The following MBD5 variants were observed in gnomAD, a reference collection of about 807,000 sequenced individuals.
MBD5 encodes methyl-CpG binding domain protein 5.
In MBD5, 13 loss-of-function variants were observed where a neutral mutation model predicts 117.3. That is an observed-to-expected ratio of 0.11 (90% CI 0.07 to 0.18). The LOEUF (loss-of-function observed/expected upper bound fraction) is 0.18, where lower values mean the gene tolerates loss of function less well. Among genes scored for constraint, MBD5 ranks in the 10% least tolerant of loss-of-function variants. The pLI is 1.00. For synonymous variants in MBD5, 727 were observed against 766.4 expected, an observed-to-expected ratio of 0.95 and a Z score of 0.85; for missense variants, 1,879 against 2,093.8, an observed-to-expected ratio of 0.90 and a Z score of 2.00.
rs1299289556 is a variant in MBD5 at position 148,513,921 on chromosome 2, A to T, written c.*980A>T. ...AAGGTAAAACTTTCTATTTCCGTACATGGAGGCAAAAACCCCACTTTGCAA... is the reference window on the plus strand; with the variant it reads ...AAGGTAAAACTTTCTATTTCCGTACTTGGAGGCAAAAACCCCACTTTGCAA... On this transcript the variant is annotated 3_prime_UTR_variant, in exon 14 of 14. Transcript: ENST00000642680. The T allele has an allele frequency of 1.3e-5, 2 of 152,190 alleles. No individual in the cohort carries two copies. The highest frequency in any genetic ancestry group is 4.8e-5 in the African/African-American group (2 of 41,444). 9.4% of individuals were successfully genotyped at this position (152,190 alleles called of 1,614,324 possible).
intron 4 of MBD5, among the ~76,000 whole-genome samples, chr2:148,345,418 CAT>C (rs1488970254): frequency 2.3e-5 from 3 of 133,128 alleles, no homozygotes; most frequent in African/African-American, 9.6e-5. Flanking sequence ...TATACATATA[CAT>C]ATATACACAT....
At chr2:148,341,975 G>A (rs1267974187) in intron 3 of MBD5, among the ~76,000 whole-genome samples, 1 of 151,804 alleles carries the variant, frequency 6.6e-6, no homozygotes, top group Non-Finnish European at 1.5e-5. Context: ...TATTAAATAT[G>A]TTTCTTCTGA....
intron 4 of MBD5, among the ~76,000 whole-genome samples, chr2:148,389,465 G>T (rs1466398658): frequency 6.6e-6 from 1 of 151,146 alleles, no homozygotes; most frequent in Non-Finnish European, 1.5e-5. Flanking sequence ...GAGATTGCTG[G>T]ATGGAATGGT....
At chr2:148,443,645 C>T (rs1163569029) in intron 4 of MBD5, among the ~76,000 whole-genome samples, 1 of 151,262 alleles carries the variant, frequency 6.6e-6, no homozygotes, top group Non-Finnish European at 1.5e-5. Flanking sequence ...TGCACAAAGA[C>T]AAACTTCACA....
intron 3 of MBD5, among the ~76,000 whole-genome samples, chr2:148,314,747 T>C (rs1344605757): frequency 6.6e-6 from 1 of 152,198 alleles, no homozygotes; most frequent in Non-Finnish European, 1.5e-5. Flanking sequence ...TCAGTAGTTT[T>C]TTCTTTCTTA....
chr2:148,437,908 G>T (rs559266503), intron 4 of MBD5, among the ~76,000 whole-genome samples: 1 of 152,162 alleles, frequency 6.6e-6, no homozygotes, highest in South Asian at 2.1e-4. Context: ...CACCACATAT[G>T]CCCAAAGAAT....
chr2:148,425,704 C>T (rs994252229), intron 4 of MBD5, among the ~76,000 whole-genome samples: 1 of 152,236 alleles, frequency 6.6e-6, no homozygotes, highest in East Asian at 1.9e-4. Flanking sequence ...AGGTCAGCTT[C>T]ATCGCAGGGA....
chr2:148,023,133 T>G (rs555003740), intron 1 of MBD5, among the ~76,000 whole-genome samples: 18 of 151,998 alleles, frequency 1.2e-4, no homozygotes, highest in Non-Finnish European at 7.4e-5. Context: ...ATCCCATAAT[T>G]TATGTCAGCA....
chr2:148,247,576 G>A (rs1026735139), intron 3 of MBD5, among the ~76,000 whole-genome samples: 4 of 152,006 alleles, frequency 2.6e-5, no homozygotes, highest in East Asian at 1.9e-4. Flanking sequence ...CTTGTACAGC[G>A]TATTGAGTGG....
At chr2:148,068,294 C>G (rs761790943) in intron 1 of MBD5, among the ~76,000 whole-genome samples, 12 of 152,206 alleles carry the variant, frequency 7.9e-5, no homozygotes, top group Non-Finnish European at 1.5e-4. Flanking sequence ...TTCTGCCCTA[C>G]TCACATGCAT....
chr2:148,024,320 C>T (rs1013681314), intron 1 of MBD5, among the ~76,000 whole-genome samples: 5 of 152,128 alleles, frequency 3.3e-5, no homozygotes, highest in African/African-American at 1.2e-4. Context: ...CCTGCACTTA[C>T]AATTAATCAG....
At position 148,316,512 on chromosome 2, in the gene MBD5, C is replaced by T. The variant is rs150965973; in HGVS notation, c.-679-25702C>T. Among the ~76,000 whole-genome samples the T allele has an allele frequency of 5.0e-3, 755 of 152,088 alleles. 5 individuals are homozygous for T. Among genetic ancestry groups the T allele is most frequent in the Non-Finnish European group, 8.3e-3 (564 of 67,994 alleles). On this transcript the variant is annotated intron_variant, in intron 3 of 13. Transcript: ENST00000642680. The stretch of plus-strand genomic sequence containing the variant: ...TCAGTGGGCATTTAGGAGTTGTTCC[C>T]ACCAGTAATATAACATTATAACCCT...
At position 148,469,057 on chromosome 2, in the gene MBD5, A is replaced by G; in HGVS notation, c.1114A>G (p.Asn372Asp). 6.2e-7 allele frequency: 1 copy of G among 1,614,038 alleles called. No individual in the cohort carries two copies. The highest frequency in any genetic ancestry group is 2.2e-5 in the East Asian group (1 of 44,868). The change falls in exon 8 of 14, where the codon AAC (asparagine) becomes GAC (aspartate). Residue 372 changes from asparagine (N) to aspartate (D), a missense_variant. Around this residue, in one of 4 missense-constraint regions of MBD5, gnomAD observed 1,666 missense variants for 1,792.2 expected, o/e 0.93. Transcript: ENST00000642680. ...DPIPSKPVNQNPVIINPTSFH... is the reference protein window; with the variant it reads ...DPIPSKPVNQDPVIINPTSFH... ...TATTCCTAGTAAACCAGTGAATCAG[A>G]ACCCTGTTATCATTAATCCAACCAG...
Position 148,483,332 on chromosome 2 carries a change from T to G in MBD5, c.2741T>G (p.Leu914Trp), listed in dbSNP as rs1681224466. 6.2e-7 allele frequency: 1 copy of G among 1,613,986 alleles called. No individual in the cohort carries two copies. Among genetic ancestry groups the G allele is most frequent in the African/African-American group, 1.3e-5 (1 of 74,922 alleles). The change falls in exon 9 of 14, where the codon TTG becomes TGG. Residue 914 changes from leucine (L) to tryptophan (W), a missense_variant. By Grantham distance (61) the Leu-to-Trp change is moderately conservative. Transcript: ENST00000642680. ...STSNNHLPHP[L>W]NPSLLSSLPI... Reference sequence around the variant, plus strand: ...TCAAACAACCATCTTCCACACCCCTTGAACCCCAGCCTCCTCAGTTCTCTA... The same window carrying G: ...TCAAACAACCATCTTCCACACCCCTGGAACCCCAGCCTCCTCAGTTCTCTA...
chr2:148,362,676 C>T (rs1237667534), intron 4 of MBD5, among the ~76,000 whole-genome samples: 1 of 152,214 alleles, frequency 6.6e-6, no homozygotes, highest in Non-Finnish European at 1.5e-5. Context: ...CCCTGACCCC[C>T]GTGCCTCCTG....
chr2:148,507,685 G>A lies in MBD5; in HGVS notation c.5037-2375G>A, dbSNP rs188511775. On this transcript the variant is annotated intron_variant, in intron 12 of 13. Coordinates refer to ENST00000642680, the MANE Select transcript of MBD5 (RefSeq NM_001378120.1). Reference sequence around the variant, plus strand: ...TGAGACAGGAGAATGGCGTGAACCCGGGAGGCGGAGCTTGCAGTGAGCCGA... The same window carrying A: ...TGAGACAGGAGAATGGCGTGAACCCAGGAGGCGGAGCTTGCAGTGAGCCGA... Among the ~76,000 whole-genome samples the A allele has an allele frequency of 8.6e-3, 1,301 of 151,946 alleles. 76 individuals are homozygous for A. Among genetic ancestry groups the A allele is most frequent in the Admixed American group, 0.082 (1,245 of 15,234 alleles).
rs150296005 is a variant in MBD5 at position 148,378,112 on chromosome 2, A to T, written c.-557+35776A>T. Among the ~76,000 whole-genome samples, 639 of 152,320 alleles carry T rather than the reference A, an allele frequency of 4.2e-3. 23 individuals are homozygous for T. The highest frequency in any genetic ancestry group is 0.035 in the Admixed American group (537 of 15,300). ...ATATGCAGGGAACTGTAGATAAGCC[A>T]TATGAATTGCCTTTTTCTTTTAATG... On this transcript the variant is annotated intron_variant, in intron 4 of 13. Transcript: ENST00000642680.
intron 4 of MBD5, among the ~76,000 whole-genome samples, chr2:148,418,040 A>G (rs1020667620): frequency 1.3e-5 from 2 of 151,992 alleles, no homozygotes; most frequent in Non-Finnish European, 1.5e-5. Context: ...GGGTTTCACC[A>G]TGTTGCCCAA....
At chr2:148,126,526 T>G (rs1211442003) in intron 1 of MBD5, among the ~76,000 whole-genome samples, 2 of 152,114 alleles carry the variant, frequency 1.3e-5, no homozygotes, top group African/African-American at 4.8e-5. Flanking sequence ...ATTTGCTGTA[T>G]ATGGTAAGTG....
Sources: gnomAD v4.1 joint callset for allele counts (sites outside exome capture counted in the v4.1 genomes callset) on GRCh38, gnomAD v4.1.1 for gene constraint, gnomAD v4.1.1 regional missense constraint, MANE v1.5 for transcripts, NCBI Gene and HGNC (gene_info 2026-07-23, HGNC 2026-07-21) for gene names.